Variants in CLVS1 observed in about 807,000 individuals in gnomAD.
The protein encoded by CLVS1 is clavesin-1.
Under a neutral mutation model 33.1 loss-of-function variants are expected in CLVS1, and 10 were observed. That is an observed-to-expected ratio of 0.30 (90% CI 0.19 to 0.51). The LOEUF (loss-of-function observed/expected upper bound fraction) is 0.51. CLVS1 is among the 20% of genes least tolerant of loss of function. The pLI is 0.97. For missense variants in CLVS1, 343 were observed against 433.4 expected (o/e 0.79, Z 1.85); for synonymous variants, 163 against 166.1 (o/e 0.98, Z 0.14).
chr8:61,235,624 G>A (rs1322138435), intron 2 of CLVS1, among the ~76,000 whole-genome samples: 1 of 152,206 alleles, frequency 6.6e-6, no homozygotes, highest in Non-Finnish European at 1.5e-5. Flanking sequence ...GTAGGGGAAA[G>A]GAGAGTTTTC....
At chr8:61,443,880 A>G (rs1448721254) in intron 3 of CLVS1, among the ~76,000 whole-genome samples, 1 of 152,094 alleles carries the variant, frequency 6.6e-6, no homozygotes, top group Non-Finnish European at 1.5e-5. Flanking sequence ...TATGTCTTCC[A>G]TTTAGGTGGA....
At chr8:61,347,394 T>C (rs1291292809) in intron 2 of CLVS1, among the ~76,000 whole-genome samples, 1 of 151,690 alleles carries the variant, frequency 6.6e-6, no homozygotes, top group Non-Finnish European at 1.5e-5. Context: ...CTGCACAATC[T>C]CACTTACCTG....
chr8:61,091,228 G>T (rs1805243289), intron 1 of CLVS1, among the ~76,000 whole-genome samples: 1 of 152,168 alleles, frequency 6.6e-6, no homozygotes, highest in Non-Finnish European at 1.5e-5. Context: ...AGGAGCCAAG[G>T]CATGTCAGCA....
intron 2 of CLVS1, among the ~76,000 whole-genome samples, chr8:61,231,174 C>A (rs1808424894): frequency 1.3e-5 from 2 of 152,122 alleles, no homozygotes; most frequent in Non-Finnish European, 1.5e-5. Flanking sequence ...CATGAGCCAG[C>A]CAGGCCAATA....
rs141254427 is a variant in CLVS1, at chr8:61,317,712, A to G, written c.455+17430A>G. 6.3e-4 allele frequency among the ~76,000 whole-genome samples: 96 copies of G among 152,244 alleles called. No individual in the cohort carries two copies. In the East Asian group the frequency reaches 0.018, roughly 29 times the overall value. On this transcript the variant is annotated intron_variant, in intron 2 of 5. Transcript: ENST00000325897. The stretch of plus-strand genomic sequence containing the variant: ...CTATATTTTACATGTTATTTCCAAA[A>G]TGTTAATATAGATGCTTAGCAGTAT...
At chr8:61,347,095 A>G (rs1812248225) in intron 2 of CLVS1, among the ~76,000 whole-genome samples, 1 of 152,216 alleles carries the variant, frequency 6.6e-6, no homozygotes, top group Non-Finnish European at 1.5e-5. Context: ...GGGCTTTGGC[A>G]GCACCAAGAG....
intron 2 of CLVS1, among the ~76,000 whole-genome samples, chr8:61,133,685 AGG>A (rs1806141992): frequency 6.6e-6 from 1 of 152,136 alleles, no homozygotes; most frequent in African/African-American, 2.4e-5. Context: ...AGGATTGGGA[AGG>A]GGAAAGATTG....
intron 2 of CLVS1, among the ~76,000 whole-genome samples, chr8:61,273,647 C>T (rs1207497870): frequency 1.3e-5 from 2 of 152,172 alleles, no homozygotes; most frequent in Non-Finnish European, 2.9e-5. Context: ...AGCGAGACTC[C>T]GTGGGCGTAG....
upstream of CLVS1, among the ~76,000 whole-genome samples, chr8:61,053,114 G>A (rs964004453): frequency 7.9e-5 from 12 of 152,204 alleles, no homozygotes; most frequent in African/African-American, 2.9e-4. Flanking sequence ...ATGGCAAGGA[G>A]TGGGGTCGAC....
At chr8:61,033,047 A>G in the CLVS1 span, among the ~76,000 whole-genome samples, 9,508 of 75,346 alleles carry the variant, frequency 0.13, 842 homozygotes, top group Middle Eastern at 0.17. Context: ...GAAAGAAAGA[A>G]AAAGAAAGAA....
the CLVS1 span, among the ~76,000 whole-genome samples, chr8:60,984,800 A>C: frequency 6.6e-6 from 1 of 152,130 alleles, no homozygotes. Flanking sequence ...CTTGTAGATG[A>C]GGAAATGGTG....
At chr8:61,298,265 A>G (rs1391523080) in intron 1 of CLVS1, among the ~76,000 whole-genome samples, 4 of 152,186 alleles carry the variant, frequency 2.6e-5, no homozygotes, top group Admixed American at 2.6e-4. Flanking sequence ...AGTTTGTAAT[A>G]CTATTTTCCT....
At chr8:61,293,866 AAT>A (rs1379758542) in intron 1 of CLVS1, among the ~76,000 whole-genome samples, 1 of 152,148 alleles carries the variant, frequency 6.6e-6, no homozygotes, top group African/African-American at 2.4e-5. Context: ...CCACAAAACA[AAT>A]ATGGCTATTG....
the CLVS1 span, among the ~76,000 whole-genome samples, chr8:61,026,757 T>C: frequency 5.3e-5 from 8 of 152,342 alleles, no homozygotes; most frequent in East Asian, 1.4e-3. Context: ...AAGCTAACAC[T>C]TGAAGAACAT....
At chr8:60,971,380 A>G in the CLVS1 span, among the ~76,000 whole-genome samples, 1 of 152,236 alleles carries the variant, frequency 6.6e-6, no homozygotes, top group East Asian at 1.9e-4. Flanking sequence ...TGCCCGGCCT[A>G]CTTTTCCTTT....
chr8:61,431,526 C>T (rs1816115110), intron 3 of CLVS1, among the ~76,000 whole-genome samples: 1 of 152,212 alleles, frequency 6.6e-6, no homozygotes, highest in South Asian at 2.1e-4. Context: ...CTACCTGCTA[C>T]CTAGCCAGCT....
At chr8:61,405,013 G>A (rs1018775523) in intron 3 of CLVS1, among the ~76,000 whole-genome samples, 8 of 152,334 alleles carry the variant, frequency 5.3e-5, no homozygotes, top group East Asian at 1.9e-4. Context: ...TCCACTCAAT[G>A]TGGGCTCAGG....
chr8:61,005,884 C>A, the CLVS1 span, among the ~76,000 whole-genome samples: 1 of 152,162 alleles, frequency 6.6e-6, no homozygotes, highest in African/African-American at 2.4e-5. Context: ...TGCAGCTGCA[C>A]CCCAGCCGAG....
chr8:61,272,726 C>G, intron 2 of CLVS1, among the ~76,000 whole-genome samples: 1 of 152,204 alleles, frequency 6.6e-6, no homozygotes, highest in East Asian at 1.9e-4. Flanking sequence ...CTTCCCTTCT[C>G]ACTTCATTTC....
Sources: allele counts gnomAD v4.1 joint callset (sites outside exome capture counted in the v4.1 genomes callset), GRCh38; gene constraint gnomAD v4.1.1; transcripts MANE v1.5; gene names NCBI Gene and HGNC (gene_info 2026-07-23, HGNC 2026-07-21).